Variants in FADS2 observed in about 807,000 individuals in gnomAD.
The protein encoded by FADS2 is fatty acid desaturase 2, also known as acyl-CoA 6-desaturase.
Under a neutral mutation model 61.2 loss-of-function variants are expected in FADS2, and 18 were observed. That is an observed-to-expected ratio of 0.29 (90% CI 0.20 to 0.44). The LOEUF (loss-of-function observed/expected upper bound fraction) is 0.44, where lower values mean the gene tolerates loss of function less well. Ranked by LOEUF, FADS2 falls within the 20% of genes least tolerant of loss-of-function variation. FADS2 has a pLI of 1.00. For missense variants in FADS2, 322 were observed against 572.7 expected (o/e 0.56, Z 4.47); for synonymous variants, 203 against 223.9 (o/e 0.91, Z 0.83).
At position 61,865,023 on chromosome 11, in the gene FADS2, TGA is replaced by T; in HGVS notation, c.1158-126_1158-125del. ...TGGGCACACACGAGGAGCCACACTT[TGA>T]GACTGGTCCTGGCTGTGGACAGGGT... On this transcript the variant is annotated intron_variant, in intron 10 of 11. Coordinates refer to ENST00000278840, the MANE Select transcript of FADS2 (RefSeq NM_004265.4). The surrounding 1 kb of genome is among the most constrained non-coding windows in gnomAD (Gnocchi z 4.1). 3 of 1,139,436 alleles carry T rather than the reference TGA, an allele frequency of 2.6e-6. No homozygotes were observed. The highest frequency in any genetic ancestry group is 3.7e-6 in the Non-Finnish European group (3 of 801,132). 70.6% of individuals were successfully genotyped at this position (1,139,436 alleles called of 1,614,324 possible).
chr11:61,848,257 T>A lies in FADS2; in HGVS notation c.717T>A (p.Phe239Leu). ...KDPDVNMLHV[F>L]VLGEWQPIEY... The stretch of plus-strand genomic sequence containing the variant: ...CCGATGTGAACATGCTGCACGTGTT[T>A]GTTCTGGGCGAATGGCAGCCCATCG... The change falls in exon 5 of 12, where the codon TTT (phenylalanine) becomes TTA (leucine). Residue 239 changes from phenylalanine (F) to leucine (L), a missense_variant. Phe to Leu is a conservative substitution (Grantham distance 22). Transcript: ENST00000278840. The A allele has an allele frequency of 6.2e-7, 1 of 1,614,212 alleles. No individual in the cohort carries two copies. Among genetic ancestry groups the A allele is most frequent in the Non-Finnish European group, 8.5e-7 (1 of 1,180,038 alleles).
Position 61,865,808 on chromosome 11 carries a change from C to A in FADS2, c.*119C>A. On this transcript the variant is annotated 3_prime_UTR_variant, in exon 12 of 12. Transcript: ENST00000278840. This position sits in a 1 kb window ranked among gnomAD's most constrained non-coding sequence, Gnocchi z 4.1. Reference sequence around the variant, plus strand: ...CTGGTGTATGCACTGCTCACGGACCCCATGTTGGATCTTTCTCCCTTTCTC... The same window carrying A: ...CTGGTGTATGCACTGCTCACGGACCACATGTTGGATCTTTCTCCCTTTCTC... 1 of 788,122 alleles carries A rather than the reference C, an allele frequency of 1.3e-6. No homozygotes were observed. The highest frequency in any genetic ancestry group is 1.6e-5 in the South Asian group (1 of 60,892). The allele number at this position is 788,122 out of a possible 1,614,324, so 48.8% of individuals were successfully genotyped here. A position where few individuals can be genotyped will look rare whatever the true frequency, so the allele number is the denominator to read the frequency against.
intron 1 of FADS2, among the ~76,000 whole-genome samples, chr11:61,837,341 C>T (rs1189572826): frequency 6.6e-6 from 1 of 152,132 alleles, no homozygotes; most frequent in Non-Finnish European, 1.5e-5. Flanking sequence ...TTTTCATTGA[C>T]CACCCTGGAC....
chr11:61,820,945 T>C (rs1565324171), intron 1 of FADS2, among the ~76,000 whole-genome samples: 3 of 152,138 alleles, frequency 2.0e-5, no homozygotes, highest in African/African-American at 4.8e-5. Context: ...ACTGATGATT[T>C]CAACCTGAAA....
At chr11:61,830,809 C>T (rs1241216389) in intron 1 of FADS2, among the ~76,000 whole-genome samples, 1 of 152,044 alleles carries the variant, frequency 6.6e-6, no homozygotes, top group African/African-American at 2.4e-5. Context: ...GGCAAAGCAC[C>T]CAGCAACTGT....
intron 4 of FADS2, among the ~76,000 whole-genome samples, chr11:61,844,588 G>A (rs986958496): frequency 2.0e-5 from 3 of 150,934 alleles, no homozygotes; most frequent in African/African-American, 4.9e-5. Flanking sequence ...TAAGCTAATC[G>A]CTTGGTTGAC....
chr11:61,823,675 T>A (rs2067049364), upstream of FADS2, among the ~76,000 whole-genome samples: 1 of 152,038 alleles, frequency 6.6e-6, no homozygotes, highest in Non-Finnish European at 1.5e-5. Flanking sequence ...CACCACCACA[T>A]CCAACTAATT....
chr11:61,816,281 A>T lies in FADS2; in HGVS notation c.-5A>T, dbSNP rs531859543. On this transcript the variant is annotated 5_prime_UTR_variant, in exon 1 of 12. Transcript: ENST00000257261. The surrounding 1 kb of genome is among the most constrained non-coding windows in gnomAD (Gnocchi z 7.0). ...AGAGACCTGAGGCTCGGGGCTGCAG[A>T]TGGAATGCACGGCAGGGAGGCGGGA... is the stretch of plus-strand genomic sequence containing the variant. The T allele has an allele frequency of 1.3e-6, 2 of 1,598,094 alleles. No individual in the cohort carries two copies. Among genetic ancestry groups the T allele is most frequent in the African/African-American group, 1.3e-5 (1 of 74,832 alleles).
intron 4 of FADS2, among the ~76,000 whole-genome samples, chr11:61,843,242 C>T (rs970847324): frequency 6.6e-6 from 1 of 152,170 alleles, no homozygotes; most frequent in Non-Finnish European, 1.5e-5. Context: ...CCAGCCTGGG[C>T]CACATAGCAA....
intron 1 of FADS2, among the ~76,000 whole-genome samples, chr11:61,832,298 CG>C (rs1373396688): frequency 1.3e-5 from 2 of 152,166 alleles, no homozygotes; most frequent in African/African-American, 4.8e-5. Flanking sequence ...CTCCTTTGCA[CG>C]GGGCAGGAGG....
rs945245203 is a variant in FADS2, at chr11:61,865,979, C to A, written c.*290C>A. The stretch of plus-strand genomic sequence containing the variant: ...GCAGAGAGGTGGCCACCGGGGGTGG[C>A]TCTGTCCTACCTCCACTCTCTGCCC... On this transcript the variant is annotated 3_prime_UTR_variant, in exon 12 of 12. Coordinates refer to ENST00000278840, the MANE Select transcript of FADS2 (RefSeq NM_004265.4). This position sits in a 1 kb window ranked among gnomAD's most constrained non-coding sequence, Gnocchi z 4.1. 2 of 507,224 alleles carry A rather than the reference C, an allele frequency of 3.9e-6. No homozygotes were observed. The highest frequency in any genetic ancestry group is 3.8e-5 in the African/African-American group (2 of 52,516). The allele number at this position is 507,224 out of a possible 1,614,324, so 31.4% of individuals were successfully genotyped here. A position where few individuals can be genotyped will look rare whatever the true frequency, so the allele number is the denominator to read the frequency against.
At chr11:61,841,671 T>C (rs1227904243) in intron 4 of FADS2, among the ~76,000 whole-genome samples, 1 of 152,200 alleles carries the variant, frequency 6.6e-6, no homozygotes, top group Admixed American at 6.5e-5. Context: ...TCCTTCCTCA[T>C]CTGGCATTTA....
chr11:61,816,425 A>G lies in FADS2; in HGVS notation c.140A>G (p.Gln47Arg). The G allele has an allele frequency of 6.3e-7, 1 of 1,598,830 alleles. No individual in the cohort carries two copies. The highest frequency in any genetic ancestry group is 8.5e-7 in the Non-Finnish European group (1 of 1,179,804). Residue 47 changes from glutamine (Q) to arginine (R), a missense_variant and splice_region_variant, in exon 1 of 12, where the codon CAG becomes CGG. Transcript: ENST00000257261. The surrounding 1 kb of genome is among the most constrained non-coding windows in gnomAD (Gnocchi z 7.0). The stretch of plus-strand genomic sequence containing the variant: ...GCAGGACACCCAATCACCGGGCAAC[A>G]GGTATGATCAGGCGCCTCCGGGCTT...
chr11:61,827,931 A>G, upstream of FADS2: 1 of 634,434 alleles, frequency 1.6e-6, no homozygotes, highest in Non-Finnish European at 2.0e-6. The surrounding 1 kb of genome is among the most constrained non-coding windows in gnomAD (Gnocchi z 4.5). Flanking sequence ...CCTTCGAAAG[A>G]TCCTCCTGGG....
upstream of FADS2, chr11:61,827,724 G>C (rs1408401205): frequency 6.6e-6 from 1 of 152,348 alleles, no homozygotes; most frequent in East Asian, 1.9e-4. This position sits in a 1 kb window ranked among gnomAD's most constrained non-coding sequence, Gnocchi z 4.5. Flanking sequence ...CCAGAGCGCC[G>C]GGCGTGCGCG....
intron 2 of FADS2, among the ~76,000 whole-genome samples, chr11:61,838,518 A>C (rs1186546615): frequency 2.0e-5 from 3 of 152,008 alleles, no homozygotes; most frequent in Admixed American, 6.5e-5. Context: ...CAGGGTGGTC[A>C]TGGAAGTCCC....
rs1022372870 is a variant in FADS2 at position 61,828,679 on chromosome 11, C to T, written c.207+82C>T. The stretch of plus-strand genomic sequence containing the variant: ...CCTGGCTCCCCGTGGGCCAAACAGA[C>T]CTCCGGCGCTGAATGGAGCTTGGGA... On this transcript the variant is annotated intron_variant, in intron 1 of 11. Coordinates refer to ENST00000278840, the MANE Select transcript of FADS2 (RefSeq NM_004265.4). This position sits in a 1 kb window ranked among gnomAD's most constrained non-coding sequence, Gnocchi z 6.4. The T allele has an allele frequency of 7.8e-7, 1 of 1,276,282 alleles. No homozygotes were observed. Among genetic ancestry groups the T allele is most frequent in the Non-Finnish European group, 1.1e-6 (1 of 907,460 alleles). The allele number at this position is 1,276,282 out of a possible 1,614,324, so 79.1% of individuals were successfully genotyped here.
intron 5 of FADS2, 112 bp downstream of exon 5, chr11:61,848,396 C>A: frequency 6.5e-7 from 1 of 1,528,400 alleles, no homozygotes; most frequent in South Asian, 1.2e-5. Flanking sequence ...TTGGCCTGGG[C>A]GAATGGCAGC....
Position 61,816,858 on chromosome 11 carries a change from A to G in FADS2, c.141+432A>G, listed in dbSNP as rs113305638. On this transcript the variant is annotated intron_variant, in intron 1 of 11. Coordinates refer to the FADS2 transcript ENST00000257261. This position sits in a 1 kb window ranked among gnomAD's most constrained non-coding sequence, Gnocchi z 7.0. ...AGTGGATTTGCTGGCGCGCGCCCAG[A>G]GCCAGCCGCCTGCGCGCCGGGTTTT... 4 of 1,481,892 alleles carry G rather than the reference A, an allele frequency of 2.7e-6. No individual in the cohort carries two copies. The highest frequency in any genetic ancestry group is 3.6e-6 in the Non-Finnish European group (4 of 1,126,728). 91.8% of individuals were successfully genotyped at this position (1,481,892 alleles called of 1,614,324 possible). A position where few individuals can be genotyped will look rare whatever the true frequency, so the allele number is the denominator to read the frequency against.
Sources: gnomAD v4.1 joint callset for allele counts (sites outside exome capture counted in the v4.1 genomes callset) on GRCh38, gnomAD v4.1.1 for gene constraint, Gnocchi (gnomAD v3.1) non-coding constraint, MANE v1.5 for transcripts, NCBI Gene and HGNC (gene_info 2026-07-23, HGNC 2026-07-21) for gene names.